The following SAG variants were observed in gnomAD, a reference collection of about 807,000 sequenced individuals.
The protein encoded by SAG is S-arrestin.
A neutral mutation model predicts 55.0 loss-of-function variants in SAG; 45 were observed. The observed-to-expected ratio is 0.82, with a 90% CI of 0.64 to 1.05. SAG has a LOEUF of 1.05. Ranked by LOEUF, SAG falls within the 50% of genes least tolerant of loss-of-function variation. The pLI is 0.00. For missense variants in SAG, 455 were observed against 512.1 expected (o/e 0.89, Z 1.08); for synonymous variants, 189 against 197.4 (o/e 0.96, Z 0.36).
rs747449812 is a variant in SAG, at chr2:233,346,415, G to A, written c.1112+3G>A. ...TCCATGCTTACAGCTAAGGAAAGGT[G>A]AGTGAGCCTCTTGAATGTGGCCCTG... On this transcript the variant is annotated splice_donor_region_variant and intron_variant, in intron 15 of 15. Coordinates refer to ENST00000409110, the MANE Select transcript of SAG (RefSeq NM_000541.5). The A allele has an allele frequency of 1.2e-6, 2 of 1,613,826 alleles. No individual in the cohort carries two copies. The highest frequency in any genetic ancestry group is 1.7e-6 in the Non-Finnish European group (2 of 1,179,748).
intron 2 of SAG, 109 bp downstream of exon 2, chr2:233,309,373 G>C (rs1700015744): frequency 1.7e-5 from 17 of 993,458 alleles, no homozygotes; most frequent in Non-Finnish European, 4.6e-6. Flanking sequence ...TTGAGGGCCA[G>C]GGCGCGGTGG....
Position 233,322,953 on chromosome 2 carries a change from A to G in SAG, c.383A>G (p.Asp128Gly). ...ATTTGTTTCTTTCCACAGTTTCCTG[A>G]CTACTTGCCCTGTTCAGTGATGTTG... is the stretch of plus-strand genomic sequence containing the variant. The part of the protein sequence containing the change: ...NTYPFLLTFP[D>G]YLPCSVMLQP... The change falls in exon 6 of 16, where the codon GAC becomes GGC. Residue 128 changes from aspartate (D) to glycine (G), a missense_variant. Transcript: ENST00000409110. 6.4e-7 allele frequency: 1 copy of G among 1,566,252 alleles called. No individual in the cohort carries two copies. Among genetic ancestry groups the G allele is most frequent in the Non-Finnish European group, 8.7e-7 (1 of 1,150,894 alleles).
At chr2:233,326,549 G>C (rs1278455951) in intron 6 of SAG, among the ~76,000 whole-genome samples, 1 of 149,204 alleles carries the variant, frequency 6.7e-6, no homozygotes, top group Non-Finnish European at 1.5e-5. Context: ...CATGCCACTT[G>C]CACTCCAGCC....
chr2:233,342,622 C>A, intron 14 of SAG: 1 of 388,562 alleles, frequency 2.6e-6, no homozygotes. Context: ...AGAAGCTCTG[C>A]TGTCAACAGA....
chr2:233,339,789 A>C (rs1165190033), intron 12 of SAG, among the ~76,000 whole-genome samples: 2 of 150,284 alleles, frequency 1.3e-5, no homozygotes, highest in Non-Finnish European at 3.0e-5. Flanking sequence ...TCAGCTTCTG[A>C]GTAGCTGGGA....
chr2:233,346,309 A>G, intron 14 of SAG, 94 bp from the exon 15 acceptor site: 1 of 1,342,690 alleles, frequency 7.4e-7, no homozygotes, highest in Middle Eastern at 1.8e-4. Flanking sequence ...CCTAAAAGGT[A>G]GACATTTTCT....
chr2:233,322,175 G>C (rs1700404341), intron 5 of SAG, among the ~76,000 whole-genome samples: 1 of 115,442 alleles, frequency 8.7e-6, no homozygotes, highest in Non-Finnish European at 1.6e-5. Context: ...GACAGAGCGA[G>C]ACTCTGTCTC....
intron 14 of SAG, chr2:233,343,511 C>T (rs1479301497): frequency 1.1e-5 from 3 of 280,324 alleles, no homozygotes; most frequent in African/African-American, 2.3e-5. Context: ...TGTATGGATG[C>T]GAAATGATGC....
intron 2 of SAG, among the ~76,000 whole-genome samples, chr2:233,313,181 A>G (rs1240807874): frequency 2.0e-5 from 3 of 152,170 alleles, no homozygotes; most frequent in Non-Finnish European, 1.5e-5. Flanking sequence ...TGCTGGGCAA[A>G]GGGAGAGATG....
Position 233,331,673 on chromosome 2 carries a change from G to C in SAG, c.767G>C (p.Ser256Thr), listed in dbSNP as rs761291508. 5.6e-6 allele frequency: 9 copies of C among 1,613,882 alleles called. No individual in the cohort carries two copies. The highest frequency in any genetic ancestry group is 7.6e-6 in the Non-Finnish European group (9 of 1,179,818). ...GTGGCCAATGTGGTTCTCTACTCGA[G>C]TGATTATTACGTCAAGCCCGTGGCT... ...EQVANVVLYS[S>T]DYYVKPVAME... The change falls in exon 10 of 16, where the codon AGT (serine) becomes ACT (threonine). Residue 256 changes from serine (S) to threonine (T), a missense_variant. By Grantham distance (58) the Ser-to-Thr change is moderately conservative. Coordinates refer to ENST00000409110, the MANE Select transcript of SAG (RefSeq NM_000541.5).
intron 4 of SAG, 33 bp downstream of exon 4, chr2:233,318,828 C>T (rs544035824): frequency 6.2e-7 from 1 of 1,600,830 alleles, no homozygotes; most frequent in East Asian, 2.2e-5. Flanking sequence ...AGGCTGGTTT[C>T]TGGGCGGAGT....
At chr2:233,343,367 G>A (rs1032206892) in intron 14 of SAG, 5 of 182,996 alleles carry the variant, frequency 2.7e-5, no homozygotes, top group Non-Finnish European at 1.2e-5. Context: ...ACAGGCGTGA[G>A]TCACGGCGCC....
At chr2:233,326,596 A>AT (rs1183244664) in intron 6 of SAG, among the ~76,000 whole-genome samples, 1 of 151,948 alleles carries the variant, frequency 6.6e-6, no homozygotes, top group Non-Finnish European at 1.5e-5. Context: ...CAAAAAAAAA[A>AT]AAAAAAAATC....
At chr2:233,334,887 T>A in intron 10 of SAG, 75 bp from the exon 11 acceptor site, 1 of 1,562,896 alleles carries the variant, frequency 6.4e-7, no homozygotes, top group Non-Finnish European at 8.8e-7. Context: ...GGAAAATGCC[T>A]AATGTCAAAT....
intron 3 of SAG, 101 bp downstream of exon 3, chr2:233,316,236 A>G: frequency 1.5e-6 from 1 of 656,098 alleles, no homozygotes; most frequent in Non-Finnish European, 2.7e-6. Context: ...TAATCTAAAT[A>G]AAGACATGCA....
rs565054551 is a variant in SAG at position 233,315,950 on chromosome 2, T to C, written c.76-125T>C. The C allele has an allele frequency of 6.3e-5, 40 of 637,584 alleles. No individual in the cohort carries two copies. The African/African-American group carries it at 7.6e-4, about 12-fold the overall frequency. 39.5% of individuals were successfully genotyped at this position (637,584 alleles called of 1,614,324 possible). Reference sequence around the variant, plus strand: ...CTCCTGACCTCGTGATCCGCCCGCCTTGGCCTCCCAAAGTGCTAAGATTAC... The same window carrying C: ...CTCCTGACCTCGTGATCCGCCCGCCCTGGCCTCCCAAAGTGCTAAGATTAC... On this transcript the variant is annotated intron_variant, in intron 2 of 15. Coordinates refer to ENST00000409110, the MANE Select transcript of SAG (RefSeq NM_000541.5).
intron 11 of SAG, 155 bp from the exon 12 acceptor site, chr2:233,338,521 G>A: frequency 4.5e-6 from 3 of 666,466 alleles, no homozygotes. Flanking sequence ...CACTCCCCAA[G>A]TACATGAACT....
chr2:233,340,508 G>A lies in SAG; in HGVS notation c.1046+30G>A. On this transcript the variant is annotated intron_variant, in intron 13 of 15. Coordinates refer to ENST00000409110, the MANE Select transcript of SAG (RefSeq NM_000541.5). This position sits in a 1 kb window ranked among gnomAD's most constrained non-coding sequence, Gnocchi z 4.2. The stretch of plus-strand genomic sequence containing the variant: ...GCCTGTTCACCTTCCTTGTTTGATT[G>A]TTTCTCAAGATATCAAAGGCAGCAA... The A allele has an allele frequency of 6.3e-7, 1 of 1,592,686 alleles. No homozygotes were observed. The highest frequency in any genetic ancestry group is 1.7e-5 in the Admixed American group (1 of 58,344).
rs770558895 is a variant in SAG at position 233,327,138 on chromosome 2, T to G, written c.453T>G (p.Phe151Leu). 8.1e-5 allele frequency: 130 copies of G among 1,613,758 alleles called. 1 individual carries two copies. The highest frequency in any genetic ancestry group is 6.2e-5 in the Non-Finnish European group (73 of 1,179,780). The change falls in exon 7 of 16, where the codon TTT (phenylalanine) becomes TTG (leucine). Residue 151 changes from phenylalanine (F) to leucine (L), a missense_variant. Coordinates refer to ENST00000409110, the MANE Select transcript of SAG (RefSeq NM_000541.5). ...CCCAACAGTCCTGTGGGGTTGACTT[T>G]GAGGTCAAAGCATTCGCCACAGACA... is the stretch of plus-strand genomic sequence containing the variant. ...QDSGKSCGVD[F>L]EVKAFATDST...
Sources: gnomAD v4.1 joint callset for allele counts (sites outside exome capture counted in the v4.1 genomes callset) on GRCh38, gnomAD v4.1.1 for gene constraint, Gnocchi (gnomAD v3.1) non-coding constraint, MANE v1.5 for transcripts, NCBI Gene and HGNC (gene_info 2026-07-23, HGNC 2026-07-21) for gene names.